The following PCDHGA3 variants were observed in gnomAD, a reference collection of about 807,000 sequenced individuals.
The protein encoded by PCDHGA3 is protocadherin gamma-A3.
PCDHGA3 carries 40 observed loss-of-function variants against 58.5 expected under a neutral mutation model. The observed-to-expected ratio is 0.68, with a 90% CI of 0.53 to 0.89. PCDHGA3 has a LOEUF of 0.89. Ranked by LOEUF, PCDHGA3 falls within the 40% of genes least tolerant of loss-of-function variation. PCDHGA3 has a pLI of 0.00. For synonymous variants in PCDHGA3, 530 were observed against 525.7 expected, an observed-to-expected ratio of 1.01 and a Z score of -0.11; for missense variants, 1,223 against 1,195.9, an observed-to-expected ratio of 1.02 and a Z score of -0.33.
chr5:141,387,563 A>C (rs1589038442), intron 1 of PCDHGA3: 1 of 438,342 alleles, frequency 2.3e-6, no homozygotes, highest in East Asian at 3.7e-5. Context: ...TTAGGCACAC[A>C]ATTATAATTA....
rs200545713 is a variant in PCDHGA3 at position 141,422,296 on chromosome 5, A to G, written c.2425-72511A>G. 133 of 1,550,704 alleles carry G rather than the reference A, an allele frequency of 8.6e-5. 1 individual carries two copies. The Admixed American group carries it at 2.1e-3, about 25-fold the overall frequency. ...AACTATCACCTCTTCTATTAATTCAATTCTGGAAAACTCTCCTCCAGGTAC... is the reference window on the plus strand; with the variant it reads ...AACTATCACCTCTTCTATTAATTCAGTTCTGGAAAACTCTCCTCCAGGTAC... On this transcript the variant is annotated intron_variant, in intron 1 of 3. Transcript: ENST00000253812.
At chr5:141,478,545 A>C in intron 1 of PCDHGA3, 1 of 1,605,606 alleles carries the variant, frequency 6.2e-7, no homozygotes, top group Non-Finnish European at 8.5e-7. Flanking sequence ...CCTCCCGGAC[A>C]GGTAAGGTTT....
intron 1 of PCDHGA3, chr5:141,395,547 TGTG>T (rs1561655259): frequency 0.04 from 6,887 of 174,198 alleles, 418 homozygotes; most frequent in African/African-American, 0.079. Context: ...ATTGTTTGTG[TGTG>T]TGTGTGTGTG....
At chr5:141,455,160 GT>G (rs59530096) in intron 1 of PCDHGA3, among the ~76,000 whole-genome samples, 102 of 149,212 alleles carry the variant, frequency 6.8e-4, no homozygotes, top group East Asian at 7.9e-4. Flanking sequence ...TAGTTTGTTG[GT>G]TTTTTTTTTA....
At chr5:141,483,772 G>C (rs2099586910) in intron 1 of PCDHGA3, among the ~76,000 whole-genome samples, 1 of 152,140 alleles carries the variant, frequency 6.6e-6, no homozygotes, top group Non-Finnish European at 1.5e-5. Flanking sequence ...AAAAATATTG[G>C]GGAAGGATAA....
At chr5:141,428,055 G>T in intron 1 of PCDHGA3, 1 of 1,609,070 alleles carries the variant, frequency 6.2e-7, no homozygotes, top group Non-Finnish European at 8.5e-7. Context: ...CAAGGTGGTG[G>T]CGGTGGACGC....
intron 1 of PCDHGA3, chr5:141,430,540 G>T: frequency 2.6e-6 from 1 of 386,954 alleles, no homozygotes; most frequent in Admixed American, 4.2e-5. Flanking sequence ...GACTCTGAGC[G>T]CCGCTGTTCA....
At position 141,420,290 on chromosome 5, in the gene PCDHGA3, T is replaced by C. The variant is rs563124810; in HGVS notation, c.2424+73833T>C. 1.3e-5 allele frequency: 19 copies of C among 1,496,908 alleles called. No individual in the cohort carries two copies. The East Asian group carries it at 3.9e-4, about 30-fold the overall frequency. 92.7% of individuals were successfully genotyped at this position (1,496,908 alleles called of 1,614,324 possible). A position where few individuals can be genotyped will look rare whatever the true frequency, so the allele number is the denominator to read the frequency against. ...TCTTAAACAGGTAAGTATTTAAAAA[T>C]GTATTTAATCCTTTTTATATTACAA... On this transcript the variant is annotated intron_variant, in intron 1 of 3. Transcript: ENST00000253812.
At position 141,476,666 on chromosome 5, in the gene PCDHGA3, G is replaced by A. The variant is rs2099395856; in HGVS notation, c.2425-18141G>A. On this transcript the variant is annotated intron_variant, in intron 1 of 3. Coordinates refer to ENST00000253812, the MANE Select transcript of PCDHGA3 (RefSeq NM_018916.4). The surrounding 1 kb of genome is among the most constrained non-coding windows in gnomAD (Gnocchi z 7.6). The stretch of plus-strand genomic sequence containing the variant: ...CCGAAATGAATACTTTGCGCTTCGC[G>A]TGCAGACGCGGGAGGACAGCACCAA... 6.2e-7 allele frequency: 1 copy of A among 1,614,128 alleles called. No individual in the cohort carries two copies.
chr5:141,405,354 T>G lies in PCDHGA3; in HGVS notation c.2424+58897T>G, dbSNP rs781757006. The G allele has an allele frequency of 3.7e-6, 6 of 1,614,112 alleles. No homozygotes were observed. In the East Asian group the frequency reaches 1.3e-4, roughly 36 times the overall value. On this transcript the variant is annotated intron_variant, in intron 1 of 3. Coordinates refer to ENST00000253812, the MANE Select transcript of PCDHGA3 (RefSeq NM_018916.4). The stretch of plus-strand genomic sequence containing the variant: ...GTCTCTGTTGATTCCAAGTTTCCTA[T>G]AGAAGACACCCCTTTGGTTCCGGTG...
Position 141,491,755 on chromosome 5 carries a change from G to A in PCDHGA3, c.2425-3052G>A. On this transcript the variant is annotated intron_variant, in intron 1 of 3. Transcript: ENST00000253812. This position sits in a 1 kb window ranked among gnomAD's most constrained non-coding sequence, Gnocchi z 6.9. Reference sequence around the variant, plus strand: ...CCCTGGGGGCGGCACTGGAGAAGCCGCCCGTCCTCATAAGGGATTGAACTT... The same window carrying A: ...CCCTGGGGGCGGCACTGGAGAAGCCACCCGTCCTCATAAGGGATTGAACTT... 6 of 1,582,196 alleles carry A rather than the reference G, an allele frequency of 3.8e-6. No individual in the cohort carries two copies. The highest frequency in any genetic ancestry group is 5.1e-6 in the Non-Finnish European group (6 of 1,165,450).
intron 1 of PCDHGA3, among the ~76,000 whole-genome samples, chr5:141,406,857 A>T (rs1377435171): frequency 2.0e-5 from 3 of 152,244 alleles, no homozygotes; most frequent in Admixed American, 2.0e-4. Flanking sequence ...TTAAGAAAAT[A>T]TTCTCAGGAA....
chr5:141,450,702 G>T (rs1466981422), intron 1 of PCDHGA3, among the ~76,000 whole-genome samples: 6 of 152,026 alleles, frequency 3.9e-5, no homozygotes, highest in South Asian at 2.1e-4. Flanking sequence ...GCCCAGGATG[G>T]TCTCCAACTC....
At chr5:141,400,232 C>CT (rs1207022796) in intron 1 of PCDHGA3, 6 of 1,613,914 alleles carry the variant, frequency 3.7e-6, no homozygotes, top group African/African-American at 1.3e-5. Context: ...TTCCTCCTGG[C>CT]CGTGATTCTG....
At chr5:141,347,167 CTT>C (rs1278659701) in intron 1 of PCDHGA3, among the ~76,000 whole-genome samples, 3 of 143,014 alleles carry the variant, frequency 2.1e-5, no homozygotes, top group African/African-American at 7.8e-5. Context: ...TTCTTTCTTT[CTT>C]TCTTTCTTTC....
intron 1 of PCDHGA3, chr5:141,377,280 AT>A (rs1037514714): frequency 2.0e-5 from 3 of 151,272 alleles, no homozygotes; most frequent in East Asian, 1.9e-4. Context: ...GGGAAAAAAA[AT>A]AACCTTAATT....
chr5:141,393,400 T>A (rs1427213486), intron 1 of PCDHGA3: 5 of 1,614,024 alleles, frequency 3.1e-6, no homozygotes, highest in Non-Finnish European at 4.2e-6. Context: ...GAGCTGGTGC[T>A]GGAGCGCGCC....
At chr5:141,389,933 G>A (rs774443122) in intron 1 of PCDHGA3, 7 of 1,614,068 alleles carry the variant, frequency 4.3e-6, no homozygotes, top group Non-Finnish European at 5.9e-6. Context: ...CTGACCTCCA[G>A]GCTGAGCTGC....
In PCDHGA3 at chr5:141,485,872, G is replaced by A; in HGVS notation, c.2425-8935G>A. ...CCGCAGAGCTCCGGGTATCCGTGCT[G>A]GACGTAAACGACAACGCCCCAGCCT... On this transcript the variant is annotated intron_variant, in intron 1 of 3. Transcript: ENST00000253812. The surrounding 1 kb of genome is among the most constrained non-coding windows in gnomAD (Gnocchi z 5.7). 1 of 1,614,170 alleles carries A rather than the reference G, an allele frequency of 6.2e-7. No homozygotes were observed. The highest frequency in any genetic ancestry group is 2.2e-5 in the East Asian group (1 of 44,876).
Sources: allele counts gnomAD v4.1 joint callset (sites outside exome capture counted in the v4.1 genomes callset), GRCh38; gene constraint gnomAD v4.1.1; non-coding constraint Gnocchi (gnomAD v3.1); transcripts MANE v1.5; gene names NCBI Gene and HGNC (gene_info 2026-07-23, HGNC 2026-07-21).